ABCC3: variants seen among roughly 807,000 people sequenced by gnomAD.
ABCC3 encodes ATP-binding cassette sub-family C member 3.
Under a neutral mutation model 165.3 loss-of-function variants are expected in ABCC3, and 121 were observed. That is an observed-to-expected ratio of 0.73 (90% confidence interval 0.63 to 0.85). The LOEUF is 0.85. ABCC3 is among the 40% of genes least tolerant of loss of function. The pLI is 0.00. For missense variants in ABCC3, 1,869 were observed against 1,964.1 expected, an observed-to-expected ratio of 0.95 and a Z score of 0.92; for synonymous variants, 733 against 810.1, an observed-to-expected ratio of 0.90 and a Z score of 1.62.
In ABCC3 at chr17:50,676,509, C is replaced by T; in HGVS notation, c.3299C>T (p.Thr1100Ile). Reference sequence around the variant, plus strand: ...AATTCCTTCTTCAACGCCATCTCCACTCTTGTGGTCATCATGGCCAGCACG... The same window carrying T: ...AATTCCTTCTTCAACGCCATCTCCATTCTTGTGGTCATCATGGCCAGCACG... Reference protein sequence around the residue: ...LLNSFFNAISTLVVIMASTPL... With the variant: ...LLNSFFNAISILVVIMASTPL... The change falls in exon 23 of 31, where the codon ACT becomes ATT. Residue 1100 changes from threonine (T) to isoleucine (I), a missense_variant. Coordinates refer to ENST00000285238, the MANE Select transcript of ABCC3 (RefSeq NM_003786.4). 1.2e-6 allele frequency: 2 copies of T among 1,613,972 alleles called. No individual in the cohort carries two copies.
chr17:50,648,042 GA>G (rs56275418), intron 1 of ABCC3, among the ~76,000 whole-genome samples: 6,853 of 145,882 alleles, frequency 0.047, 206 homozygotes, highest in South Asian at 0.076. Flanking sequence ...CTGCCCAAAA[GA>G]AAAAAAAAAA....
At chr17:50,638,384 C>T (rs2054198531) in intron 1 of ABCC3, among the ~76,000 whole-genome samples, 1 of 152,162 alleles carries the variant, frequency 6.6e-6, no homozygotes, top group Non-Finnish European at 1.5e-5. Context: ...GAAAGCCATC[C>T]AAAGATGGCA....
At chr17:50,683,893 G>GA (rs1158585301) in intron 27 of ABCC3, 56 bp from the exon 28 acceptor site, 1 of 1,591,056 alleles carries the variant, frequency 6.3e-7, no homozygotes, top group African/African-American at 1.4e-5. Flanking sequence ...GAGTCCTGGA[G>GA]ATGCGCCTTT....
At chr17:50,665,636 C>T (rs1332224830) in intron 11 of ABCC3, among the ~76,000 whole-genome samples, 1 of 149,296 alleles carries the variant, frequency 6.7e-6, no homozygotes, top group Non-Finnish European at 1.5e-5. Flanking sequence ...GACAGGGTCT[C>T]GTTCTGTCAC....
At chr17:50,679,109 G>T (rs899896490) in intron 25 of ABCC3, 9 of 152,380 alleles carry the variant, frequency 5.9e-5, no homozygotes. Flanking sequence ...TGCAGAGAAC[G>T]TACACAGACG....
Position 50,658,107 on chromosome 17 carries a change from T to C in ABCC3, c.512T>C (p.Phe171Ser), listed in dbSNP as rs1283796897. ...AEGEISDPFR[F>S]TTFYIHFALV... ...GGTGAGATCTCAGACCCCTTCCGCT[T>C]CACCACCTTCTACATCCACTTTGCC... The change falls in exon 5 of 31, where the codon TTC becomes TCC. Residue 171 changes from phenylalanine (F) to serine (S), a missense_variant. Phe to Ser is a radical substitution (Grantham distance 155, BLOSUM62 -2). Transcript: ENST00000285238. The C allele has an allele frequency of 1.9e-6, 3 of 1,614,196 alleles. No homozygotes were observed. Among genetic ancestry groups the C allele is most frequent in the Non-Finnish European group, 2.5e-6 (3 of 1,180,022 alleles).
intron 9 of ABCC3, 21 bp downstream of exon 9, chr17:50,663,879 G>C (rs1477531215): frequency 6.2e-7 from 1 of 1,614,208 alleles, no homozygotes. Context: ...GCAGGGCCCA[G>C]GGGAAAGGCT....
chr17:50,635,628 C>A, intron 1 of ABCC3: 1 of 701,640 alleles, frequency 1.4e-6, no homozygotes, highest in Non-Finnish European at 2.6e-6. Context: ...TTCCTGTAGT[C>A]CAACTCCCTT....
chr17:50,672,945 T>G (rs1209493079), intron 17 of ABCC3, 26 bp from the exon 18 acceptor site: 1 of 1,608,440 alleles, frequency 6.2e-7, no homozygotes, highest in Non-Finnish European at 8.5e-7. Context: ...CTGACCCCAT[T>G]TTTCCCACCC....
At chr17:50,640,822 G>A (rs2054223308) in intron 1 of ABCC3, among the ~76,000 whole-genome samples, 1 of 152,166 alleles carries the variant, frequency 6.6e-6, no homozygotes, top group African/African-American at 2.4e-5. Context: ...TTTGACCCCT[G>A]CCCCCAGGCC....
chr17:50,671,317 T>C (rs966235689), intron 17 of ABCC3, among the ~76,000 whole-genome samples: 1 of 151,810 alleles, frequency 6.6e-6, no homozygotes, highest in Admixed American at 6.6e-5. Context: ...TTCAGCAATG[T>C]TAAGTACATT....
intron 8 of ABCC3, 56 bp downstream of exon 8, chr17:50,661,170 C>A: frequency 6.6e-7 from 1 of 1,505,598 alleles, no homozygotes. Flanking sequence ...GGCTGGCTGG[C>A]TAGCCCAGAG....
In ABCC3 at chr17:50,669,443, G is replaced by A. The variant is rs143749403; in HGVS notation, c.2156G>A (p.Arg719His). The A allele has an allele frequency of 3.5e-5, 56 of 1,614,128 alleles. No homozygotes were observed. Among genetic ancestry groups the A allele is most frequent in the East Asian group, 8.9e-5 (4 of 44,902 alleles). The change falls in exon 17 of 31, where the codon CGC becomes CAC. Residue 719 changes from arginine (R) to histidine (H), a missense_variant. Physicochemically the swap from Arg to His is conservative, Grantham distance 29. Transcript: ENST00000285238. ...VLFGKALNPK[R>H]YQQTLEACAL... ...TTCGGCAAAGCCCTGAACCCCAAGC[G>A]CTACCAGCAGACTCTGGAGGCCTGT...
intron 17 of ABCC3, among the ~76,000 whole-genome samples, chr17:50,670,753 A>G (rs751858676): frequency 1.3e-5 from 2 of 152,188 alleles, no homozygotes; most frequent in African/African-American, 4.8e-5. Flanking sequence ...CTGGAGCCAG[A>G]AAGCTCTGTC....
At chr17:50,685,766 C>T (rs1051139842) in intron 29 of ABCC3, among the ~76,000 whole-genome samples, 5 of 152,044 alleles carry the variant, frequency 3.3e-5, no homozygotes, top group South Asian at 2.1e-4. Flanking sequence ...ACAGGAAAAG[C>T]GCTTCGCTTG....
chr17:50,676,888 G>GT (rs1295235841), intron 23 of ABCC3, among the ~76,000 whole-genome samples: 1 of 4,338 alleles, frequency 2.3e-4, no homozygotes, highest in Non-Finnish European at 4.6e-4. Context: ...TTTTTTTTTG[G>GT]GGGGGGGGGG....
At chr17:50,675,587 G>A (rs779618721) in intron 20 of ABCC3, 44 bp from the exon 21 acceptor site, 1 of 1,560,964 alleles carries the variant, frequency 6.4e-7, no homozygotes, top group South Asian at 1.2e-5. Context: ...GTCCTGGGGG[G>A]TGCTTGAGGC....
Position 50,675,885 on chromosome 17 carries a change from G to A in ABCC3, c.2862G>A (p.Val954=). Residue 954 remains valine, a splice_region_variant and synonymous_variant, in exon 22 of 31, where the codon GTG becomes GTA. Transcript: ENST00000285238. ...TQEEKAAIGT[V]ELSVFWDYAK... ...ACTGCCATGGCTGCTCCCTACAGGT[G>A]GAGCTCAGTGTGTTCTGGGATTATG... 1 of 1,614,104 alleles carries A rather than the reference G, an allele frequency of 6.2e-7. No homozygotes were observed.
intron 3 of ABCC3, 101 bp downstream of exon 3, chr17:50,656,928 G>A (rs1327040656): frequency 7.1e-6 from 11 of 1,547,090 alleles, no homozygotes; most frequent in African/African-American, 6.9e-5. Context: ...TGGACATATT[G>A]GGAATGGGAA....
Sources: allele counts gnomAD v4.1 joint callset (sites outside exome capture counted in the v4.1 genomes callset), GRCh38; gene constraint gnomAD v4.1.1; transcripts MANE v1.5; gene names NCBI Gene and HGNC (gene_info 2026-07-23, HGNC 2026-07-21).